Variants in LARGE1 observed in about 807,000 individuals in gnomAD.
LARGE1 encodes the protein LARGE xylosyl- and glucuronyltransferase 1.
LARGE1 carries 43 observed loss-of-function variants against 87.6 expected under a neutral mutation model. The observed-to-expected ratio is 0.49, with a 90% CI of 0.38 to 0.63. The LOEUF (loss-of-function observed/expected upper bound fraction) is 0.63. Ranked by LOEUF, LARGE1 falls within the 30% of genes least tolerant of loss-of-function variation. LARGE1 has a pLI of 0.00. For missense variants in LARGE1, 802 were observed against 1,000.2 expected (o/e 0.80, Z 2.67); for synonymous variants, 434 against 394.6 (o/e 1.10, Z -1.18).
chr22:33,187,765 C>CAA (rs201533880), intron 11 of LARGE1, among the ~76,000 whole-genome samples: 4 of 149,138 alleles, frequency 2.7e-5, no homozygotes, highest in Non-Finnish European at 4.5e-5. Flanking sequence ...AAACAAAATA[C>CAA]AAAAAAAAAT....
At chr22:33,524,106 C>T (rs1216548546) in intron 6 of LARGE1, among the ~76,000 whole-genome samples, 1 of 152,046 alleles carries the variant, frequency 6.6e-6, no homozygotes, top group East Asian at 1.9e-4. Context: ...GCCTGACTGA[C>T]ACGGTGAAAC....
the LARGE1 span, among the ~76,000 whole-genome samples, chr22:33,121,710 C>A: frequency 0.015 from 2,242 of 152,264 alleles, 68 homozygotes; most frequent in African/African-American, 0.051. Context: ...TGTTCTTACA[C>A]TGCTAATGTG....
chr22:33,152,515 G>A, the LARGE1 span, among the ~76,000 whole-genome samples: 1 of 151,984 alleles, frequency 6.6e-6, no homozygotes, highest in East Asian at 1.9e-4. Flanking sequence ...ATCATAAGTT[G>A]ACTTCTCACC....
rs539462736 is a variant in LARGE1 at position 33,555,164 on chromosome 22, G to C, written c.787+9684C>G. 2.0e-5 allele frequency among the ~76,000 whole-genome samples: 3 copies of C among 152,306 alleles called. No individual in the cohort carries two copies. In the South Asian group the frequency reaches 6.2e-4, roughly 32 times the overall value. On this transcript the variant is annotated intron_variant, in intron 6 of 14. Coordinates refer to ENST00000397394, the MANE Select transcript of LARGE1 (RefSeq NM_133642.5). ...TGTATTAGGAATTATAAATAATCGA[G>C]AGATGATTTAAAGCATACAGGAGGA...
In LARGE1 at chr22:33,213,192, A is replaced by G. The variant is rs181058438; in HGVS notation, c.1731-46360T>C. On this transcript the variant is annotated intron_variant, in intron 11 of 11. Coordinates refer to the LARGE1 transcript ENST00000608642. Reference sequence around the variant, plus strand: ...TACCAAGAGAACTAGCATTAGAAGTAGCGTGTGAAGAGATGGAGTTGCTGC... The same window carrying G: ...TACCAAGAGAACTAGCATTAGAAGTGGCGTGTGAAGAGATGGAGTTGCTGC... Among the ~76,000 whole-genome samples, 193 of 152,302 alleles carry G rather than the reference A, an allele frequency of 1.3e-3. 1 individual carries two copies. Among genetic ancestry groups the G allele is most frequent in the African/African-American group, 4.1e-3 (169 of 41,562 alleles).
intron 4 of LARGE1, among the ~76,000 whole-genome samples, chr22:33,619,554 C>CA (rs553269111): frequency 0.028 from 1,608 of 58,380 alleles, 19 homozygotes; most frequent in African/African-American, 0.047. Context: ...GACTCTGTCT[C>CA]AAAAAAAAAA....
In LARGE1 at chr22:33,709,453, G is replaced by A. The variant is rs559104070; in HGVS notation, c.106+51918C>T. On this transcript the variant is annotated intron_variant, in intron 2 of 14. Transcript: ENST00000397394. The stretch of plus-strand genomic sequence containing the variant: ...GGGACTCATATCTAGGGTCTATCTA[G>A]CTTTACCCCTACTAGTCATTTGCAT... Among the ~76,000 whole-genome samples, 4 of 152,188 alleles carry A rather than the reference G, an allele frequency of 2.6e-5. No individual in the cohort carries two copies. The East Asian group carries it at 7.7e-4, about 29-fold the overall frequency.
intron 6 of LARGE1, among the ~76,000 whole-genome samples, chr22:33,481,052 T>C (rs888979583): frequency 6.6e-6 from 1 of 152,094 alleles, no homozygotes; most frequent in African/African-American, 2.4e-5. Flanking sequence ...TCATCTCTTA[T>C]AATTTCCTGG....
At chr22:33,861,116 T>A (rs1339817773) in intron 1 of LARGE1, among the ~76,000 whole-genome samples, 2 of 152,098 alleles carry the variant, frequency 1.3e-5, no homozygotes, top group Non-Finnish European at 2.9e-5. Context: ...TCTTCCTCCT[T>A]TTCTTCCACC....
At chr22:33,655,930 T>G (rs937064083) in intron 2 of LARGE1, among the ~76,000 whole-genome samples, 1 of 152,172 alleles carries the variant, frequency 6.6e-6, no homozygotes, top group African/African-American at 2.4e-5. Context: ...GCATGGGATT[T>G]GGAGTAAGAA....
At chr22:33,604,672 T>A (rs914260912) in intron 4 of LARGE1, 114 bp from the exon 5 acceptor site, 6 of 1,357,804 alleles carry the variant, frequency 4.4e-6, no homozygotes, top group Non-Finnish European at 6.3e-6. Context: ...TAACGGCAAT[T>A]GTGAAAGTAA....
intron 10 of LARGE1, among the ~76,000 whole-genome samples, chr22:33,333,126 C>T (rs1470427999): frequency 1.3e-5 from 2 of 151,734 alleles, no homozygotes; most frequent in South Asian, 2.1e-4. Flanking sequence ...CCTGCCTCAG[C>T]CTCCTGAGTA....
At chr22:33,118,401 A>G in the LARGE1 span, among the ~76,000 whole-genome samples, 3 of 151,998 alleles carry the variant, frequency 2.0e-5, no homozygotes, top group African/African-American at 7.3e-5. Context: ...TTGAGGTGGG[A>G]AGATTGCTTG....
chr22:33,347,497 G>T (rs1240330201), intron 9 of LARGE1, among the ~76,000 whole-genome samples: 1 of 152,230 alleles, frequency 6.6e-6, no homozygotes, highest in Non-Finnish European at 1.5e-5. Context: ...TTGGAATGGA[G>T]AAACATATTC....
At chr22:33,407,728 G>A (rs2147391281) in intron 7 of LARGE1, among the ~76,000 whole-genome samples, 1 of 152,198 alleles carries the variant, frequency 6.6e-6, no homozygotes, top group South Asian at 2.1e-4. Context: ...TTTCTGCTAT[G>A]CTGTGGACCT....
At chr22:33,419,440 G>T (rs892529337) in intron 7 of LARGE1, among the ~76,000 whole-genome samples, 1 of 151,942 alleles carries the variant, frequency 6.6e-6, no homozygotes, top group African/African-American at 2.4e-5. Flanking sequence ...GATCACCCAA[G>T]TACACGCCTG....
the LARGE1 span, among the ~76,000 whole-genome samples, chr22:33,072,642 C>T: frequency 6.6e-6 from 1 of 152,046 alleles, no homozygotes; most frequent in Non-Finnish European, 1.5e-5. Context: ...AAAAATATTC[C>T]GTGGAGATAC....
intron 9 of LARGE1, among the ~76,000 whole-genome samples, chr22:33,373,094 G>T (rs904846053): frequency 6.6e-6 from 1 of 152,192 alleles, no homozygotes; most frequent in African/African-American, 2.4e-5. Flanking sequence ...GTCTGAGTAA[G>T]TCACGATAAA....
chr22:33,605,865 C>A lies in LARGE1; in HGVS notation c.492-1307G>T, dbSNP rs1254759801. On this transcript the variant is annotated intron_variant, in intron 4 of 14. Coordinates refer to ENST00000397394, the MANE Select transcript of LARGE1 (RefSeq NM_133642.5). ...GACTACAAAAGAACACAAAGTTCCA[C>A]GGGAGTAAGAGCAGCAGCCAATTCT... Among the ~76,000 whole-genome samples, 3 of 152,018 alleles carry A rather than the reference C, an allele frequency of 2.0e-5. No homozygotes were observed. The East Asian group carries it at 5.8e-4, about 29-fold the overall frequency.
Sources: allele counts gnomAD v4.1 joint callset (sites outside exome capture counted in the v4.1 genomes callset), GRCh38; gene constraint gnomAD v4.1.1; transcripts MANE v1.5; gene names NCBI Gene and HGNC (gene_info 2026-07-23, HGNC 2026-07-21).